ZDHHC20: variants seen among roughly 807,000 people sequenced by gnomAD.
The protein encoded by ZDHHC20 is zDHHC palmitoyltransferase 20.
In ZDHHC20, 43 loss-of-function variants were observed where a neutral mutation model predicts 57.8. The ratio of observed to expected loss-of-function variants is 0.74; its 90% CI spans 0.58 to 0.96. The LOEUF is 0.96. Among genes scored for constraint, ZDHHC20 ranks in the 40% least tolerant of loss-of-function variants. The pLI, the probability that ZDHHC20 is intolerant of heterozygous loss-of-function variation, is 0.00. For synonymous variants in ZDHHC20, 157 were observed against 153.0 expected, an observed-to-expected ratio of 1.03 and a Z score of -0.19; for missense variants, 391 against 441.1, an observed-to-expected ratio of 0.89 and a Z score of 1.02.
intron 3 of ZDHHC20, 27 bp downstream of exon 3, chr13:21,421,034 T>G (rs372244179): frequency 3.4e-5 from 54 of 1,572,756 alleles, no homozygotes; most frequent in Admixed American, 5.1e-5. Flanking sequence ...GTTAAAACAT[T>G]TGGTAATTTA....
At chr13:21,409,800 G>C (rs527780893) in intron 4 of ZDHHC20, among the ~76,000 whole-genome samples, 163 of 152,230 alleles carry the variant, frequency 1.1e-3, no homozygotes, top group Non-Finnish European at 1.8e-3. Context: ...TTTATATCAA[G>C]GTTCTTGGCT....
At chr13:21,424,710 CAAAA>C (rs10709528) in intron 2 of ZDHHC20, among the ~76,000 whole-genome samples, 1 of 125,050 alleles carries the variant, frequency 8.0e-6, no homozygotes, top group African/African-American at 3.2e-5. Flanking sequence ...GACTCTGTCT[CAAAA>C]AAAAAAAAAA....
At chr13:21,408,045 G>C (rs1224309864) in intron 4 of ZDHHC20, among the ~76,000 whole-genome samples, 1 of 152,156 alleles carries the variant, frequency 6.6e-6, no homozygotes, top group Admixed American at 6.6e-5. Context: ...TTTGAGGTCA[G>C]GTAATGTGAT....
At chr13:21,458,293 T>C (rs191909754) in intron 1 of ZDHHC20, among the ~76,000 whole-genome samples, 125 of 152,230 alleles carry the variant, frequency 8.2e-4, no homozygotes, top group Middle Eastern at 6.8e-3. Context: ...TAAGAACTTA[T>C]CAGGAAAATG....
chr13:21,383,065 C>CTT, intron 9 of ZDHHC20, 56 bp from the exon 10 acceptor site: 1 of 1,408,244 alleles, frequency 7.1e-7, no homozygotes, highest in Non-Finnish European at 9.8e-7. Flanking sequence ...TCAAAATGGT[C>CTT]AAATTTAACA....
At chr13:21,380,037 G>T (rs1488877389) in intron 11 of ZDHHC20, among the ~76,000 whole-genome samples, 4 of 151,484 alleles carry the variant, frequency 2.6e-5, no homozygotes, top group Admixed American at 2.6e-4. Flanking sequence ...GGATGGTCTC[G>T]ATCTCGTGAC....
rs71093307 is a variant in ZDHHC20 at position 21,393,699 on chromosome 13, C to CAAAAA, written c.595-1850_595-1846dup. Among the ~76,000 whole-genome samples, 24 of 63,414 alleles carry CAAAAA rather than the reference C, an allele frequency of 3.8e-4. 1 individual carries two copies. Among genetic ancestry groups the CAAAAA allele is most frequent in the African/African-American group, 8.3e-4 (11 of 13,318 alleles). 41.6% of individuals were successfully genotyped at this position (63,414 alleles called of 152,430 possible). A position where few individuals can be genotyped will look rare whatever the true frequency, so the allele number is the denominator to read the frequency against. ...AGCCTGGGCGACACAGCAAGTCTCA[C>CAAAAA]AAAAAAAAAAAAAAAAAAAAAAAAA... On this transcript the variant is annotated intron_variant, in intron 7 of 12. Transcript: ENST00000400590.
Position 21,429,259 on chromosome 13 carries a change from G to A in ZDHHC20, c.119-3581C>T, listed in dbSNP as rs148162131. On this transcript the variant is annotated intron_variant, in intron 1 of 12. Transcript: ENST00000400590. ...GCCCTCCTTAACAAGTGAGAAGCACGTGAGAAAGAAGCTCTATTATTTCCT... is the reference window on the plus strand; with the variant it reads ...GCCCTCCTTAACAAGTGAGAAGCACATGAGAAAGAAGCTCTATTATTTCCT... Among the ~76,000 whole-genome samples the A allele has an allele frequency of 2.4e-4, 36 of 152,286 alleles. 2 individuals are homozygous for A. The East Asian group carries it at 6.2e-3, about 26-fold the overall frequency.
Position 21,391,868 on chromosome 13 carries a change from GAAGTT to G in ZDHHC20, c.595-19_595-15del, listed in dbSNP as rs1875789976. ...TGTCAGTTCATTCTGAGGAAAAAAA[GAAGTT>G]AATTTTGAGGTCAACCTCTAAAATA... On this transcript the variant is annotated splice_polypyrimidine_tract_variant and intron_variant, in intron 7 of 12. Transcript: ENST00000400590. The G allele has an allele frequency of 1.2e-6, 2 of 1,603,340 alleles. No homozygotes were observed. Among genetic ancestry groups the G allele is most frequent in the Admixed American group, 1.7e-5 (1 of 57,764 alleles).
rs575534715 is a variant in ZDHHC20, at chr13:21,411,891, T to C, written c.370+1761A>G. Among the ~76,000 whole-genome samples the C allele has an allele frequency of 1.4e-4, 21 of 152,302 alleles. No homozygotes were observed. The East Asian group carries it at 3.9e-3, about 28-fold the overall frequency. On this transcript the variant is annotated intron_variant, in intron 4 of 12. Transcript: ENST00000400590. ...GACTTTTGGCCCCTCCCCCAAGATA[T>C]TAGGTTTTAAATGATGAATCCAGTA... is the stretch of plus-strand genomic sequence containing the variant.
rs550080858 is a variant in ZDHHC20, at chr13:21,373,488, G to A, written c.*3208C>T. On this transcript the variant is annotated 3_prime_UTR_variant, in exon 13 of 13. Coordinates refer to ENST00000400590, the MANE Select transcript of ZDHHC20 (RefSeq NM_001330059.2). ...AAAGTTTTAAAAAAATCATCCTTAC[G>A]TATAGATGAAAATAAACTTTGTAAA... 1 of 152,116 alleles carries A rather than the reference G, an allele frequency of 6.6e-6. No homozygotes were observed. The highest frequency in any genetic ancestry group is 6.5e-5 in the Admixed American group (1 of 15,282). 9.4% of individuals were successfully genotyped at this position (152,116 alleles called of 1,614,324 possible).
chr13:21,423,492 A>G (rs143875245), intron 2 of ZDHHC20, among the ~76,000 whole-genome samples: 161 of 152,092 alleles, frequency 1.1e-3, no homozygotes, highest in African/African-American at 3.2e-3. Context: ...CCTGGCCAAC[A>G]TGGTAGAACT....
chr13:21,392,224 A>C (rs75713763), intron 7 of ZDHHC20, among the ~76,000 whole-genome samples: 5,914 of 152,010 alleles, frequency 0.039, 158 homozygotes, highest in Non-Finnish European at 0.059. Context: ...AAAAAAAAAA[A>C]AAAACAATAG....
chr13:21,398,389 G>A lies in ZDHHC20; in HGVS notation c.594+1984C>T, dbSNP rs573033396. ...TGAGGCAGCAGAATGGCATGAACCC[G>A]GGAGGCGGAGCTGGCAGTGAGCCAA... is the stretch of plus-strand genomic sequence containing the variant. On this transcript the variant is annotated intron_variant, in intron 7 of 12. Transcript: ENST00000400590. Among the ~76,000 whole-genome samples, 662 of 151,960 alleles carry A rather than the reference G, an allele frequency of 4.4e-3. 1 individual carries two copies. The highest frequency in any genetic ancestry group is 0.015 in the African/African-American group (607 of 41,418).
chr13:21,454,848 T>C (rs1233303863), intron 1 of ZDHHC20, among the ~76,000 whole-genome samples: 1 of 152,144 alleles, frequency 6.6e-6, no homozygotes, highest in Non-Finnish European at 1.5e-5. Flanking sequence ...TCCACAAATT[T>C]GTCTGAAAAA....
chr13:21,383,337 G>A (rs141530876), intron 9 of ZDHHC20, among the ~76,000 whole-genome samples: 28 of 152,220 alleles, frequency 1.8e-4, no homozygotes, highest in African/African-American at 6.5e-4. Context: ...TTTTATAAAC[G>A]GGAGTTCCCC....
At chr13:21,443,339 T>C (rs1224086691) in intron 1 of ZDHHC20, among the ~76,000 whole-genome samples, 1 of 152,204 alleles carries the variant, frequency 6.6e-6, no homozygotes, top group African/African-American at 2.4e-5. Flanking sequence ...CTGTTTTCAG[T>C]ATTTCCCACT....
chr13:21,447,890 C>A (rs1271071535), intron 1 of ZDHHC20, among the ~76,000 whole-genome samples: 1 of 116,276 alleles, frequency 8.6e-6, no homozygotes, highest in African/African-American at 3.0e-5. Context: ...CGTCTCTGCC[C>A]GGCCGCCCAT....
intron 9 of ZDHHC20, among the ~76,000 whole-genome samples, chr13:21,386,245 C>A (rs1319792864): frequency 6.6e-6 from 1 of 152,122 alleles, no homozygotes; most frequent in African/African-American, 2.4e-5. Flanking sequence ...CTGTGAGTGA[C>A]TGATAACATG....
Sources: allele counts gnomAD v4.1 joint callset (sites outside exome capture counted in the v4.1 genomes callset), GRCh38; gene constraint gnomAD v4.1.1; transcripts MANE v1.5; gene names NCBI Gene and HGNC (gene_info 2026-07-23, HGNC 2026-07-21).